NRG1: variants seen among roughly 807,000 people sequenced by gnomAD.
The protein encoded by NRG1 is neuregulin 1, also known as pro-neuregulin-1, membrane-bound isoform.
In NRG1, 18 loss-of-function variants were observed where a neutral mutation model predicts 63.8. The observed-to-expected ratio is 0.28, with a 90% CI of 0.19 to 0.42. The LOEUF is 0.42. Among genes scored for constraint, NRG1 ranks in the 10% least tolerant of loss-of-function variants. The pLI, the probability that NRG1 is intolerant of heterozygous loss-of-function variation, is 1.00. For missense variants in NRG1, 762 were observed against 814.7 expected, an observed-to-expected ratio of 0.94 and a Z score of 0.79; for synonymous variants, 302 against 301.3, an observed-to-expected ratio of 1.00 and a Z score of -0.02.
chr8:32,492,342 G>A (rs1826689992), intron 1 of NRG1, among the ~76,000 whole-genome samples: 1 of 151,800 alleles, frequency 6.6e-6, no homozygotes. Flanking sequence ...TTTGGTATTT[G>A]GTTTTGCAAC....
rs572558404 is a variant in NRG1 at position 31,711,708 on chromosome 8, C to A, written c.37+72277C>A. ...TCACAAATTATCATAATCTAAGTGG[C>A]TTATGAACAACAGAAATTTATTTCT... On this transcript the variant is annotated intron_variant, in intron 1 of 10. Transcript: ENST00000519301. Among the ~76,000 whole-genome samples, 4 of 152,232 alleles carry A rather than the reference C, an allele frequency of 2.6e-5. No homozygotes were observed. In the South Asian group the frequency reaches 8.3e-4, roughly 32 times the overall value.
At chr8:31,860,876 C>T (rs549105893) in intron 1 of NRG1, among the ~76,000 whole-genome samples, 114 of 152,214 alleles carry the variant, frequency 7.5e-4, no homozygotes, top group Middle Eastern at 6.8e-3. Flanking sequence ...TCACATATTC[C>T]GTTACTTAGC....
chr8:31,756,761 T>A (rs534732027), intron 1 of NRG1, among the ~76,000 whole-genome samples: 6 of 152,196 alleles, frequency 3.9e-5, no homozygotes, highest in Non-Finnish European at 7.3e-5. Flanking sequence ...GTTTGACTGG[T>A]GCCCATATAT....
chr8:31,776,692 C>G (rs977470534), intron 1 of NRG1, among the ~76,000 whole-genome samples: 2 of 152,086 alleles, frequency 1.3e-5, no homozygotes, highest in Non-Finnish European at 2.9e-5. Context: ...CTCCCCCTCC[C>G]CCTACCCCAC....
chr8:32,353,634 T>G (rs1210025741), intron 1 of NRG1, among the ~76,000 whole-genome samples: 2 of 152,240 alleles, frequency 1.3e-5, no homozygotes, highest in African/African-American at 4.8e-5. Context: ...TAAATACCTA[T>G]CAGAATGTCT....
chr8:32,212,771 G>C (rs533268067), intron 1 of NRG1, among the ~76,000 whole-genome samples: 2 of 152,116 alleles, frequency 1.3e-5, no homozygotes, highest in South Asian at 2.1e-4. Context: ...AAACCTTATT[G>C]GTTCTTGTTA....
chr8:32,042,867 C>CA (rs887966979), intron 1 of NRG1, among the ~76,000 whole-genome samples: 6 of 149,604 alleles, frequency 4.0e-5, no homozygotes, highest in East Asian at 2.0e-4. Context: ...AACATGATTT[C>CA]AAAAAAAATG....
At chr8:32,726,645 C>A (rs1220213531) in intron 5 of NRG1, among the ~76,000 whole-genome samples, 1 of 151,882 alleles carries the variant, frequency 6.6e-6, no homozygotes, top group South Asian at 2.1e-4. Context: ...GTATTCCAGT[C>A]AGATAGAATA....
At chr8:32,466,686 C>A (rs560000081) in intron 1 of NRG1, among the ~76,000 whole-genome samples, 2 of 152,152 alleles carry the variant, frequency 1.3e-5, no homozygotes, top group Admixed American at 6.5e-5. Flanking sequence ...TATTGTAGAA[C>A]CTGGTTTGCT....
intron 1 of NRG1, among the ~76,000 whole-genome samples, chr8:31,983,246 T>C (rs989111744): frequency 1.3e-5 from 2 of 152,098 alleles, no homozygotes; most frequent in African/African-American, 4.8e-5. Context: ...CATGTGAATC[T>C]TTTATCTATC....
chr8:32,567,098 A>C (rs1038265392), intron 1 of NRG1, among the ~76,000 whole-genome samples: 10 of 152,158 alleles, frequency 6.6e-5, no homozygotes, highest in African/African-American at 2.4e-4. Context: ...TCGGCCTCCC[A>C]AAGTGCTGGG....
chr8:32,573,248 T>C (rs1210522200), intron 1 of NRG1, among the ~76,000 whole-genome samples: 1 of 152,248 alleles, frequency 6.6e-6, no homozygotes, highest in African/African-American at 2.4e-5. Context: ...AGATGTTCCA[T>C]GATGACTTAT....
intron 1 of NRG1, among the ~76,000 whole-genome samples, chr8:32,526,362 G>T (rs1310346907): frequency 6.6e-6 from 1 of 152,182 alleles, no homozygotes; most frequent in Non-Finnish European, 1.5e-5. Context: ...TTTAATCAAA[G>T]CTAGCAATGG....
chr8:32,484,710 C>T (rs1341469033), intron 1 of NRG1, among the ~76,000 whole-genome samples: 3 of 151,930 alleles, frequency 2.0e-5, no homozygotes, highest in Non-Finnish European at 4.4e-5. Context: ...TTTGGTTTGC[C>T]TATTTCTGTT....
intron 7 of NRG1, among the ~76,000 whole-genome samples, chr8:32,744,852 C>T (rs1222270463): frequency 1.3e-5 from 2 of 152,150 alleles, no homozygotes; most frequent in African/African-American, 2.4e-5. Flanking sequence ...CAGAAGATAT[C>T]ATTTTAAAAT....
intron 1 of NRG1, among the ~76,000 whole-genome samples, chr8:32,518,506 C>T (rs1830045465): frequency 6.6e-6 from 1 of 152,076 alleles, no homozygotes; most frequent in South Asian, 2.1e-4. Flanking sequence ...TCCTGCTGCC[C>T]TAACTCCCAC....
At chr8:32,468,467 C>T (rs964632310) in intron 1 of NRG1, among the ~76,000 whole-genome samples, 1 of 152,124 alleles carries the variant, frequency 6.6e-6, no homozygotes, top group Non-Finnish European at 1.5e-5. Context: ...TGTCTTCATC[C>T]TCCCAAAATC....
Position 31,679,023 on chromosome 8 carries a change from T to A in NRG1, c.37+39592T>A, listed in dbSNP as rs148265925. On this transcript the variant is annotated intron_variant, in intron 1 of 10. Transcript: ENST00000519301. ...AACATTTACATTTGTAAGTTAATCT[T>A]CACCATAGGTAATTTTTGCTTTTTA... 3.6e-4 allele frequency among the ~76,000 whole-genome samples: 55 copies of A among 152,100 alleles called. No individual in the cohort carries two copies. The East Asian group carries it at 0.01, about 29-fold the overall frequency.
At position 32,178,610 on chromosome 8, in the gene NRG1, A is replaced by G. The variant is rs1477501036; in HGVS notation, c.38-417218A>G. 2.6e-5 allele frequency among the ~76,000 whole-genome samples: 4 copies of G among 152,258 alleles called. No homozygotes were observed. The East Asian group carries it at 7.7e-4, about 29-fold the overall frequency. ...AGGTGATAGAGTGAGACTCTGTCTC[A>G]AAAAAATAGAAAGATCATTCTGGCT... On this transcript the variant is annotated intron_variant, in intron 1 of 10. Coordinates refer to the NRG1 transcript ENST00000519301.
Sources: gnomAD v4.1 joint callset for allele counts (sites outside exome capture counted in the v4.1 genomes callset) on GRCh38, gnomAD v4.1.1 for gene constraint, MANE v1.5 for transcripts, NCBI Gene and HGNC (gene_info 2026-07-23, HGNC 2026-07-21) for gene names.